The following TRIP13 variants were observed in gnomAD, a reference collection of about 807,000 sequenced individuals.
The protein encoded by TRIP13 is pachytene checkpoint protein 2 homolog.
A neutral mutation model predicts 54.4 loss-of-function variants in TRIP13; 25 were observed. The observed-to-expected ratio is 0.46, with a 90% CI of 0.33 to 0.64. TRIP13 has a LOEUF of 0.64. Ranked by LOEUF, TRIP13 falls within the 30% of genes least tolerant of loss-of-function variation. The pLI is 0.02. For missense variants in TRIP13, 373 were observed against 534.2 expected, an observed-to-expected ratio of 0.70 and a Z score of 2.97; for synonymous variants, 207 against 207.8, an observed-to-expected ratio of 1.00 and a Z score of 0.03.
At position 914,557 on chromosome 5, in the gene TRIP13, T is replaced by C. The variant is rs138216752; in HGVS notation, c.1113T>C (p.Leu371=). 1 of 1,613,342 alleles carries C rather than the reference T, an allele frequency of 6.2e-7. No homozygotes were observed. Among genetic ancestry groups the C allele is most frequent in the East Asian group, 2.2e-5 (1 of 44,880 alleles). Reference sequence around the variant, plus strand: ...AAAACAACGTGTCAAAATTGAGCCTTCTTTTGAATGACATTTCAAGGTGCA... The same window carrying C: ...AAAACAACGTGTCAAAATTGAGCCTCCTTTTGAATGACATTTCAAGGTGCA... ...FIENNVSKLS[L]LLNDISRKSE... The change falls in exon 11 of 13, where the codon CTT becomes CTC. Residue 371 remains leucine (L), a synonymous_variant. Transcript: ENST00000166345.
chr5:894,636 C>G (rs1384510288), intron 1 of TRIP13, 151 bp from the exon 2 acceptor site: 13 of 788,576 alleles, frequency 1.6e-5, no homozygotes, highest in Non-Finnish European at 2.5e-5. Context: ...CAAGGGGTGG[C>G]TCTAGATTTG....
intron 12 of TRIP13, among the ~76,000 whole-genome samples, chr5:916,568 T>G (rs956935493): frequency 6.6e-5 from 10 of 152,100 alleles, no homozygotes; most frequent in African/African-American, 2.2e-4. Flanking sequence ...AGCACAGAGG[T>G]GACAGTGGCC....
chr5:917,337 T>TTG lies in TRIP13; in HGVS notation c.*234_*235insTG. The TTG allele has an allele frequency of 2.3e-6, 1 of 444,064 alleles. No individual in the cohort carries two copies. Among genetic ancestry groups the TTG allele is most frequent in the East Asian group, 4.0e-5 (1 of 24,948 alleles). The allele number at this position is 444,064 out of a possible 1,614,324, so 27.5% of individuals were successfully genotyped here. A position where few individuals can be genotyped will look rare whatever the true frequency, so the allele number is the denominator to read the frequency against. The stretch of plus-strand genomic sequence containing the variant: ...TGTCATTTTCACTGTTTGTAAAAGA[T>TTG]AATTCAGATTGTTTGTCTCCTTGTG... On this transcript the variant is annotated 3_prime_UTR_variant, in exon 13 of 13. Coordinates refer to ENST00000166345, the MANE Select transcript of TRIP13 (RefSeq NM_004237.4).
chr5:914,675 G>A, intron 11 of TRIP13, 98 bp downstream of exon 11: 1 of 922,970 alleles, frequency 1.1e-6, no homozygotes, highest in East Asian at 2.4e-5. Flanking sequence ...AGGGCCCTGG[G>A]TGTGAACTCT....
chr5:909,899 A>G (rs996583086), intron 9 of TRIP13, among the ~76,000 whole-genome samples: 6 of 152,166 alleles, frequency 3.9e-5, no homozygotes, highest in African/African-American at 1.2e-4. Context: ...TGGGCGGGCC[A>G]GGTGTCCCTT....
At chr5:903,250 G>A (rs1208694168) in intron 5 of TRIP13, among the ~76,000 whole-genome samples, 1 of 152,050 alleles carries the variant, frequency 6.6e-6, no homozygotes, top group Non-Finnish European at 1.5e-5. Context: ...CCCAGACGCT[G>A]GCATTACTGC....
intron 9 of TRIP13, among the ~76,000 whole-genome samples, chr5:909,102 G>A (rs940143521): frequency 2.6e-5 from 4 of 152,230 alleles, no homozygotes; most frequent in African/African-American, 9.6e-5. Context: ...AACTAGTGCT[G>A]CTCGTAGGTG....
intron 9 of TRIP13, among the ~76,000 whole-genome samples, chr5:910,928 GC>G (rs1159704669): frequency 1.3e-5 from 2 of 152,220 alleles, no homozygotes; most frequent in Non-Finnish European, 2.9e-5. Context: ...CAGGCACAGG[GC>G]CTGCCCTCCC....
intron 3 of TRIP13, 73 bp from the exon 4 acceptor site, chr5:900,421 A>G (rs1266864062): frequency 6.7e-7 from 1 of 1,482,772 alleles, no homozygotes; most frequent in East Asian, 2.3e-5. Flanking sequence ...GCTTAGGCTC[A>G]GGGGAGACTG....
rs1446399724 is a variant in TRIP13 at position 907,018 on chromosome 5, A to G, written c.609-112A>G. 3 of 802,720 alleles carry G rather than the reference A, an allele frequency of 3.7e-6. No individual in the cohort carries two copies. Among genetic ancestry groups the G allele is most frequent in the Non-Finnish European group, 6.3e-6 (3 of 474,128 alleles). The allele number at this position is 802,720 out of a possible 1,614,324, so 49.7% of individuals were successfully genotyped here. On this transcript the variant is annotated intron_variant, in intron 6 of 12. Coordinates refer to ENST00000166345, the MANE Select transcript of TRIP13 (RefSeq NM_004237.4). This position sits in a 1 kb window ranked among gnomAD's most constrained non-coding sequence, Gnocchi z 4.1. Reference sequence around the variant, plus strand: ...CCTCAATTCTTTGTCAGTAATTGTAATTCCCCCGATGCTGGGCACTTGAGA... The same window carrying G: ...CCTCAATTCTTTGTCAGTAATTGTAGTTCCCCCGATGCTGGGCACTTGAGA...
intron 1 of TRIP13, among the ~76,000 whole-genome samples, chr5:893,481 A>G (rs529858537): frequency 4.2e-4 from 64 of 152,350 alleles, no homozygotes; most frequent in African/African-American, 1.4e-3. Flanking sequence ...GTCTCAGCCG[A>G]AAGCTGGGTG....
At position 907,960 on chromosome 5, in the gene TRIP13, TG is replaced by T; in HGVS notation, c.673-27del. ...ACCTGGCAGTGTGGTCCCTGCACGT[TG>T]ACACTAAAAGGGTGTTTGGGTTCCA... On this transcript the variant is annotated intron_variant, in intron 7 of 12. Transcript: ENST00000166345. The surrounding 1 kb of genome is among the most constrained non-coding windows in gnomAD (Gnocchi z 4.1). The T allele has an allele frequency of 6.2e-7, 1 of 1,613,074 alleles. No individual in the cohort carries two copies.
chr5:909,802 T>C (rs1754192609), intron 9 of TRIP13, among the ~76,000 whole-genome samples: 1 of 152,242 alleles, frequency 6.6e-6, no homozygotes, highest in East Asian at 1.9e-4. Flanking sequence ...TGGGGCTAGT[T>C]AACTGCAGCA....
intron 2 of TRIP13, among the ~76,000 whole-genome samples, chr5:895,420 T>C (rs1753893154): frequency 6.6e-6 from 1 of 152,102 alleles, no homozygotes; most frequent in Non-Finnish European, 1.5e-5. Flanking sequence ...GAGCTTTGTG[T>C]GAGGGCGTGG....
Position 917,204 on chromosome 5 carries a change from C to G in TRIP13, c.*101C>G. The G allele has an allele frequency of 3.6e-6, 4 of 1,122,256 alleles. No individual in the cohort carries two copies. The highest frequency in any genetic ancestry group is 5.1e-6 in the Non-Finnish European group (4 of 781,312). The allele number at this position is 1,122,256 out of a possible 1,614,324, so 69.5% of individuals were successfully genotyped here. A position where few individuals can be genotyped will look rare whatever the true frequency, so the allele number is the denominator to read the frequency against. On this transcript the variant is annotated 3_prime_UTR_variant, in exon 13 of 13. Coordinates refer to ENST00000166345, the MANE Select transcript of TRIP13 (RefSeq NM_004237.4). Reference sequence around the variant, plus strand: ...CTCCCAGGGAATCCCTTCTGCAAACCAAACGTTACTTAGACTGCAAGCTAG... The same window carrying G: ...CTCCCAGGGAATCCCTTCTGCAAACGAAACGTTACTTAGACTGCAAGCTAG...
At chr5:914,366 G>A in intron 10 of TRIP13, 99 bp from the exon 11 acceptor site, 1 of 771,088 alleles carries the variant, frequency 1.3e-6, no homozygotes, top group East Asian at 2.5e-5. Flanking sequence ...GACGTGGCGT[G>A]GTTGACATTT....
rs148654971 is a variant in TRIP13 at position 917,754 on chromosome 5, A to G, written c.*651A>G. On this transcript the variant is annotated 3_prime_UTR_variant, in exon 13 of 13. Transcript: ENST00000166345. ...GACTCTGAGTGTTCCAGGGAAACAC[A>G]TGCTGGACATCCCTTGTAACCCGGT... The G allele has an allele frequency of 2.0e-5, 3 of 152,374 alleles. No individual in the cohort carries two copies. Among genetic ancestry groups the G allele is most frequent in the Non-Finnish European group, 4.4e-5 (3 of 68,048 alleles). 9.4% of individuals were successfully genotyped at this position (152,374 alleles called of 1,614,324 possible).
intron 12 of TRIP13, 117 bp downstream of exon 12, chr5:916,090 C>A: frequency 9.0e-7 from 1 of 1,115,666 alleles, no homozygotes; most frequent in Non-Finnish European, 1.3e-6. Flanking sequence ...TTCTAAACCA[C>A]AGGGTCCTGG....
In TRIP13 at chr5:914,536, CA is replaced by C. The variant is rs759617148; in HGVS notation, c.1094del (p.Asn365ThrfsTer5). 6.2e-7 allele frequency: 1 copy of C among 1,613,696 alleles called. No homozygotes were observed. Among genetic ancestry groups the C allele is most frequent in the Admixed American group, 1.7e-5 (1 of 60,016 alleles). On this transcript the variant is annotated frameshift_variant, in exon 11 of 13. Transcript: ENST00000166345. LOFTEE classifies it high-confidence loss of function. The stretch of plus-strand genomic sequence containing the variant: ...TAGAGATGATTGGCTTCATTGAAAA[CA>C]ACGTGTCAAAATTGAGCCTTCTTTT... ...ELEMIGFIENNVSKLSLLLND... is the reference protein window; with the variant it reads ...ELEMIGFIENXVSKLSLLLND...
Sources: gnomAD v4.1 joint callset for allele counts (sites outside exome capture counted in the v4.1 genomes callset) on GRCh38, gnomAD v4.1.1 for gene constraint, Gnocchi (gnomAD v3.1) non-coding constraint, MANE v1.5 for transcripts, NCBI Gene and HGNC (gene_info 2026-07-23, HGNC 2026-07-21) for gene names.